Variants in XPR1 observed in about 807,000 individuals in gnomAD.
XPR1 encodes solute carrier family 53 member 1.
Under a neutral mutation model 87.5 loss-of-function variants are expected in XPR1, and 28 were observed. That is an observed-to-expected ratio of 0.32 (90% CI 0.24 to 0.44). The LOEUF is 0.44. XPR1 is among the 20% of genes least tolerant of loss of function. The pLI, the probability that XPR1 is intolerant of heterozygous loss-of-function variation, is 1.00. For synonymous variants in XPR1, 300 were observed against 306.1 expected (o/e 0.98, Z 0.21); for missense variants, 559 against 862.3 (o/e 0.65, Z 4.41).
intron 2 of XPR1, among the ~76,000 whole-genome samples, chr1:180,741,671 G>T (rs1012174971): frequency 4.5e-4 from 69 of 152,146 alleles, no homozygotes; most frequent in Middle Eastern, 3.4e-3. Flanking sequence ...ATTTTTAGTA[G>T]AGATGGGATT....
intron 11 of XPR1, among the ~76,000 whole-genome samples, chr1:180,856,651 G>A (rs969219815): frequency 6.6e-6 from 1 of 152,126 alleles, no homozygotes; most frequent in Non-Finnish European, 1.5e-5. Context: ...TTAAAAACTA[G>A]GAGTTATTTT....
At chr1:180,806,237 C>T (rs376743109) in intron 5 of XPR1, 26 bp downstream of exon 5, 79 of 1,602,042 alleles carry the variant, frequency 4.9e-5, no homozygotes, top group Non-Finnish European at 6.1e-5. Flanking sequence ...TTATTTACAA[C>T]GTATTTTCAG....
chr1:180,675,058 A>G (rs902171006), intron 1 of XPR1, among the ~76,000 whole-genome samples: 3 of 152,182 alleles, frequency 2.0e-5, no homozygotes, highest in African/African-American at 7.2e-5. Flanking sequence ...TCTAGTTTAC[A>G]TTTATATATA....
chr1:180,837,181 T>A (rs1209686792), intron 11 of XPR1, among the ~76,000 whole-genome samples: 1 of 152,246 alleles, frequency 6.6e-6, no homozygotes, highest in Non-Finnish European at 1.5e-5. Context: ...GTTTCTCATC[T>A]CCATGGCAAC....
chr1:180,633,955 C>T (rs756257645), intron 1 of XPR1, among the ~76,000 whole-genome samples: 1 of 152,154 alleles, frequency 6.6e-6, no homozygotes, highest in African/African-American at 2.4e-5. Flanking sequence ...TGGATGTATG[C>T]CATGATTCAT....
rs1649869049 is a variant in XPR1, at chr1:180,803,471, G to A, written c.307G>A (p.Gly103Ser). 9 of 1,613,910 alleles carry A rather than the reference G, an allele frequency of 5.6e-6. No homozygotes were observed. Among genetic ancestry groups the A allele is most frequent in the African/African-American group, 1.3e-5 (1 of 74,924 alleles). ...ACTGGATGCACAGAAAGAAAGCACTGGTGTTACTACGCTGCGACAACGCAG... is the reference window on the plus strand; with the variant it reads ...ACTGGATGCACAGAAAGAAAGCACTAGTGTTACTACGCTGCGACAACGCAG... ...SSLDAQKEST[G>S]VTTLRQRRKP... The change falls in exon 4 of 15, where the codon GGT (glycine) becomes AGT (serine). Residue 103 changes from glycine (G) to serine (S), a missense_variant. Transcript: ENST00000367590.
intron 1 of XPR1, among the ~76,000 whole-genome samples, chr1:180,680,356 C>CTTTTTTT (rs1557953500): frequency 5.0e-5 from 6 of 119,720 alleles, no homozygotes; most frequent in African/African-American, 1.6e-4. Flanking sequence ...ACAAATAGAA[C>CTTTTTTT]CTTTTTTTTT....
At chr1:180,802,164 T>C (rs1324005311) in intron 3 of XPR1, among the ~76,000 whole-genome samples, 2 of 151,978 alleles carry the variant, frequency 1.3e-5, no homozygotes, top group Admixed American at 6.6e-5. Context: ...GTATTTCCAT[T>C]TCATCTATGA....
At chr1:180,770,685 A>G (rs550759313) in intron 2 of XPR1, among the ~76,000 whole-genome samples, 21 of 152,312 alleles carry the variant, frequency 1.4e-4, no homozygotes, top group African/African-American at 4.8e-4. Flanking sequence ...CTTCAACCTC[A>G]ACTAAAAATA....
intron 1 of XPR1, among the ~76,000 whole-genome samples, chr1:180,647,757 A>C (rs1366989759): frequency 6.6e-6 from 1 of 151,976 alleles, no homozygotes; most frequent in African/African-American, 2.4e-5. Flanking sequence ...AAAATGAGCC[A>C]GGGTATGGTG....
At chr1:180,666,921 T>A (rs1460661652) in intron 1 of XPR1, among the ~76,000 whole-genome samples, 2 of 151,916 alleles carry the variant, frequency 1.3e-5, no homozygotes, top group Non-Finnish European at 2.9e-5. Flanking sequence ...TTTCAGTCTT[T>A]TTTTTTTTTT....
intron 2 of XPR1, among the ~76,000 whole-genome samples, chr1:180,764,867 G>A (rs1475177910): frequency 4.1e-5 from 6 of 147,042 alleles, no homozygotes; most frequent in African/African-American, 1.5e-4. Flanking sequence ...CTCACTGCAA[G>A]CTCCACCTCC....
chr1:180,786,802 C>G (rs550422358), intron 2 of XPR1, among the ~76,000 whole-genome samples: 36 of 152,264 alleles, frequency 2.4e-4, no homozygotes, highest in South Asian at 8.3e-4. Flanking sequence ...GAATCCCAAC[C>G]ACTCCTTCTC....
At chr1:180,876,422 G>A (rs1652665875) in intron 13 of XPR1, among the ~76,000 whole-genome samples, 1 of 152,136 alleles carries the variant, frequency 6.6e-6, no homozygotes, top group Admixed American at 6.5e-5. Context: ...GATCATTTGA[G>A]GTCAGGAGTT....
intron 13 of XPR1, 89 bp from the exon 14 acceptor site, chr1:180,879,987 G>T: frequency 1.5e-6 from 2 of 1,363,730 alleles, no homozygotes; most frequent in Admixed American, 1.9e-5. Flanking sequence ...TTGTTTCCAT[G>T]AGTGGAAACT....
At chr1:180,880,945 T>C (rs1006230458) in intron 14 of XPR1, among the ~76,000 whole-genome samples, 3 of 152,104 alleles carry the variant, frequency 2.0e-5, no homozygotes, top group Non-Finnish European at 4.4e-5. Flanking sequence ...GCACAGTAGA[T>C]TGGAATGAAG....
At chr1:180,835,979 A>G (rs529965150) in intron 10 of XPR1, among the ~76,000 whole-genome samples, 1 of 152,322 alleles carries the variant, frequency 6.6e-6, no homozygotes, top group African/African-American at 2.4e-5. Flanking sequence ...CTGGACAGAT[A>G]TCCATAAATC....
chr1:180,811,307 A>G (rs1571860306), intron 6 of XPR1, 100 bp from the exon 7 acceptor site: 3 of 944,474 alleles, frequency 3.2e-6, no homozygotes, highest in South Asian at 3.2e-5. Context: ...TATTATTTTC[A>G]TGGTAGAACT....
At chr1:180,735,816 C>T (rs1159246608) in intron 2 of XPR1, among the ~76,000 whole-genome samples, 4 of 152,072 alleles carry the variant, frequency 2.6e-5, no homozygotes, top group African/African-American at 4.8e-5. Context: ...TATTTGTTGA[C>T]GGTCTTCTAG....
Sources: gnomAD v4.1 joint callset for allele counts (sites outside exome capture counted in the v4.1 genomes callset) on GRCh38, gnomAD v4.1.1 for gene constraint, MANE v1.5 for transcripts, NCBI Gene and HGNC (gene_info 2026-07-23, HGNC 2026-07-21) for gene names.